The following SLC2A5 variants were observed in gnomAD, a reference collection of about 807,000 sequenced individuals.
The protein encoded by SLC2A5 is solute carrier family 2, facilitated glucose transporter member 5.
A neutral mutation model predicts 50.3 loss-of-function variants in SLC2A5; 56 were observed. The observed-to-expected ratio is 1.11, with a 90% CI of 0.90 to 1.39. The LOEUF is 1.39. Among genes scored for constraint, SLC2A5 ranks in the 40% most tolerant of loss-of-function variants. The pLI is 0.00. For synonymous variants in SLC2A5, 269 were observed against 281.9 expected, an observed-to-expected ratio of 0.95 and a Z score of 0.46; for missense variants, 566 against 650.1, an observed-to-expected ratio of 0.87 and a Z score of 1.41.
At chr1:9,061,854 G>C (rs757310355) in intron 1 of SLC2A5, among the ~76,000 whole-genome samples, 1 of 152,198 alleles carries the variant, frequency 6.6e-6, no homozygotes, top group Admixed American at 6.5e-5. Context: ...AGGCACCATG[G>C]AGAGCCAGCT....
upstream of SLC2A5, among the ~76,000 whole-genome samples, chr1:9,071,026 G>A (rs1642201556): frequency 6.6e-6 from 1 of 152,156 alleles, no homozygotes; most frequent in Non-Finnish European, 1.5e-5. Context: ...AGTTTCCAAA[G>A]AAAATGCACT....
In SLC2A5 at chr1:9,058,324, A is replaced by G. The variant is rs534398475; in HGVS notation, c.34-74T>C. 22 of 994,574 alleles carry G rather than the reference A, an allele frequency of 2.2e-5. No individual in the cohort carries two copies. The South Asian group carries it at 2.6e-4, about 12-fold the overall frequency. 61.6% of individuals were successfully genotyped at this position (994,574 alleles called of 1,614,324 possible). A position where few individuals can be genotyped will look rare whatever the true frequency, so the allele number is the denominator to read the frequency against. ...CCCTCCCGCTTTACTTCGGTTTCGTAGAAAGATGTAACAGAATCTGAAGAT... is the reference window on the plus strand; with the variant it reads ...CCCTCCCGCTTTACTTCGGTTTCGTGGAAAGATGTAACAGAATCTGAAGAT... On this transcript the variant is annotated intron_variant, in intron 1 of 11. Coordinates refer to ENST00000377424, the MANE Select transcript of SLC2A5 (RefSeq NM_003039.3).
intron 4 of SLC2A5, among the ~76,000 whole-genome samples, chr1:9,042,609 G>GTGTA (rs1641333168): frequency 3.4e-5 from 5 of 148,574 alleles, no homozygotes; most frequent in Non-Finnish European, 7.4e-5. Flanking sequence ...GTGTGTGTGT[G>GTGTA]TGTATGTGTA....
chr1:9,071,437 C>A (rs1004536743), upstream of SLC2A5, among the ~76,000 whole-genome samples: 16 of 152,152 alleles, frequency 1.1e-4, no homozygotes, highest in African/African-American at 3.9e-4. Flanking sequence ...CAAAAATAAT[C>A]GTCCAAAGTT....
intron 3 of SLC2A5, among the ~76,000 whole-genome samples, chr1:9,048,209 T>TC (rs1641483152): frequency 6.6e-6 from 1 of 152,164 alleles, no homozygotes. Flanking sequence ...TATTTCACCA[T>TC]ATTAAAGATT....
chr1:9,058,479 ACAG>A (rs1641821300), intron 1 of SLC2A5, among the ~76,000 whole-genome samples: 1 of 152,210 alleles, frequency 6.6e-6, no homozygotes, highest in African/African-American at 2.4e-5. Context: ...TGTCCTGAGC[ACAG>A]CAGGATGTTT....
chr1:9,053,058 A>ATATATAT (rs1641620271), intron 3 of SLC2A5, among the ~76,000 whole-genome samples: 3 of 111,254 alleles, frequency 2.7e-5, no homozygotes, highest in African/African-American at 1.2e-4. Flanking sequence ...TTAATATATA[A>ATATATAT]TATATATTAT....
At chr1:9,055,949 C>T (rs901372056) in intron 3 of SLC2A5, among the ~76,000 whole-genome samples, 6 of 152,134 alleles carry the variant, frequency 3.9e-5, no homozygotes, top group African/African-American at 1.4e-4. Context: ...CCCACAAATA[C>T]TTAAGAAAAC....
At chr1:9,064,505 A>G (rs2124439215) in intron 1 of SLC2A5, among the ~76,000 whole-genome samples, 1 of 152,298 alleles carries the variant, frequency 6.6e-6, no homozygotes, top group East Asian at 1.9e-4. Context: ...CCTCCCTTTC[A>G]TAATACAGAG....
chr1:9,079,257 T>C (rs1459408181), intron 2 of SLC2A5, among the ~76,000 whole-genome samples: 1 of 152,112 alleles, frequency 6.6e-6, no homozygotes, highest in Non-Finnish European at 1.5e-5. Flanking sequence ...CGCTCTGATA[T>C]GCCTGGGGTG....
intron 2 of SLC2A5, among the ~76,000 whole-genome samples, chr1:9,081,185 G>T (rs1460407457): frequency 6.8e-6 from 1 of 148,144 alleles, no homozygotes; most frequent in Non-Finnish European, 1.5e-5. Flanking sequence ...ACTTGAGCCT[G>T]ACTGGTCAGG....
intron 4 of SLC2A5, among the ~76,000 whole-genome samples, chr1:9,043,283 C>A (rs1359097704): frequency 1.3e-5 from 2 of 152,076 alleles, no homozygotes; most frequent in East Asian, 3.9e-4. Context: ...TAGGAGGGTA[C>A]CTGAGGCCAT....
chr1:9,088,293 A>C (rs1200536681), intron 1 of SLC2A5: 1 of 152,032 alleles, frequency 6.6e-6, no homozygotes, highest in African/African-American at 2.4e-5. Flanking sequence ...CACCCACCCG[A>C]ACCCTACACC....
At chr1:9,077,161 A>G (rs1642292812) in intron 2 of SLC2A5, among the ~76,000 whole-genome samples, 1 of 150,862 alleles carries the variant, frequency 6.6e-6, no homozygotes, top group Non-Finnish European at 1.5e-5. Context: ...GCACTTTGGG[A>G]GGCTGAGGCA....
intron 1 of SLC2A5, among the ~76,000 whole-genome samples, chr1:9,059,351 G>A (rs1641846407): frequency 6.6e-6 from 1 of 150,492 alleles, no homozygotes; most frequent in Admixed American, 6.6e-5. Flanking sequence ...CACTGTGTTA[G>A]CCAGGATGGT....
intron 3 of SLC2A5, among the ~76,000 whole-genome samples, chr1:9,048,879 A>G (rs1044860423): frequency 3.3e-5 from 5 of 151,892 alleles, no homozygotes; most frequent in Non-Finnish European, 7.4e-5. Context: ...CTGGTCTCGA[A>G]CTCCTGGCCT....
Position 9,035,897 on chromosome 1 carries a change from C to T in SLC2A5, c.*1689G>A, listed in dbSNP as rs1273973594. On this transcript the variant is annotated 3_prime_UTR_variant, in exon 12 of 12. Transcript: ENST00000377424. ...GAGAACCAAGCAAAAGGTTTTACCCCTTACAGAACCATCAGATCTCATGAG... is the reference window on the plus strand; with the variant it reads ...GAGAACCAAGCAAAAGGTTTTACCCTTTACAGAACCATCAGATCTCATGAG... 1 of 152,208 alleles carries T rather than the reference C, an allele frequency of 6.6e-6. No individual in the cohort carries two copies. The highest frequency in any genetic ancestry group is 1.5e-5 in the Non-Finnish European group (1 of 68,052). The allele number at this position is 152,208 out of a possible 1,614,324, so 9.4% of individuals were successfully genotyped here.
chr1:9,048,942 C>A (rs1641502903), intron 3 of SLC2A5, among the ~76,000 whole-genome samples: 1 of 152,184 alleles, frequency 6.6e-6, no homozygotes, highest in Middle Eastern at 3.2e-3. Flanking sequence ...TAGGCATGAG[C>A]CACTGCGCCC....
At chr1:9,058,119 C>T in intron 2 of SLC2A5, 33 bp downstream of exon 2, 1 of 1,531,642 alleles carries the variant, frequency 6.5e-7, no homozygotes, top group South Asian at 1.1e-5. Flanking sequence ...CTCCAAACGT[C>T]CTCCCCACAT....
Sources: gnomAD v4.1 joint callset for allele counts (sites outside exome capture counted in the v4.1 genomes callset) on GRCh38, gnomAD v4.1.1 for gene constraint, MANE v1.5 for transcripts, NCBI Gene and HGNC (gene_info 2026-07-23, HGNC 2026-07-21) for gene names.